The following OR52N4 variants were observed in gnomAD, a reference collection of about 807,000 sequenced individuals.
OR52N4 encodes olfactory receptor 52N4.
In OR52N4, 15 loss-of-function variants were observed where a neutral mutation model predicts 15.0. The ratio of observed to expected loss-of-function variants is 1.00; its 90% confidence interval spans 0.67 to 1.54. OR52N4 has a LOEUF of 1.54. OR52N4 is among the 40% of genes most tolerant of loss of function. The probability of loss-of-function intolerance (pLI) is 0.00; values close to 1 mark genes in which losing one functional copy is unlikely to be tolerated. For missense variants in OR52N4, 421 were observed against 394.0 expected, an observed-to-expected ratio of 1.07 and a Z score of -0.58; for synonymous variants, 143 against 143.7, an observed-to-expected ratio of 1.00 and a Z score of 0.03.
At chr11:5,746,552 C>A in the OR52N4 span, among the ~76,000 whole-genome samples, 146,645 of 152,246 alleles carry the variant, frequency 0.96, 70,771 homozygotes, top group Non-Finnish European at 0.99. Context: ...GAAACATATG[C>A]AAAAATACTG....
the OR52N4 span, chr11:5,737,104 G>A: frequency 1.2e-6 from 2 of 1,614,006 alleles, no homozygotes; most frequent in Non-Finnish European, 1.7e-6. Context: ...TCACAAGCCT[G>A]GCTTGTGATG....
the OR52N4 span, chr11:5,736,708 A>C: frequency 5.0e-6 from 8 of 1,613,862 alleles, no homozygotes; most frequent in South Asian, 6.6e-5. Context: ...ACCCTTCTTT[A>C]CAGCAGCCCA....
chr11:5,731,329 A>G, the OR52N4 span, among the ~76,000 whole-genome samples: 1 of 152,176 alleles, frequency 6.6e-6, no homozygotes, highest in Non-Finnish European at 1.5e-5. Flanking sequence ...TTCTTTAAGC[A>G]TTTTGTATGT....
In OR52N4 at chr11:5,754,863, G is replaced by A. The variant is rs185750636; in HGVS notation, c.123G>A (p.Met41Ile). Residue 41 changes from methionine (M) to isoleucine (I), a missense_variant, in exon 2 of 2, where the codon ATG (methionine) becomes ATA (isoleucine). Physicochemically the swap from Met to Ile is conservative, Grantham distance 10. Transcript: ENST00000641350. Reference sequence around the variant, plus strand: ...TCTGCTCTATGTATGTTGTGGCTATGGTAGGGAATTGTGGACTCCTCTACC... The same window carrying A: ...TCTGCTCTATGTATGTTGTGGCTATAGTAGGGAATTGTGGACTCCTCTACC... ...FPFCSMYVVA[M>I]VGNCGLLYLI... The A allele has an allele frequency of 4.1e-3, 6,692 of 1,613,796 alleles. 23 individuals are homozygous for A. The highest frequency in any genetic ancestry group is 5.1e-3 in the Non-Finnish European group (6,071 of 1,179,792).
chr11:5,750,927 A>C (rs1319990869), upstream of OR52N4, among the ~76,000 whole-genome samples: 1 of 152,070 alleles, frequency 6.6e-6, no homozygotes, highest in Non-Finnish European at 1.5e-5. Flanking sequence ...ATGTAATGTA[A>C]GTGTAACTTT....
At chr11:5,743,243 C>A in the OR52N4 span, among the ~76,000 whole-genome samples, 30 of 152,204 alleles carry the variant, frequency 2.0e-4, no homozygotes, top group East Asian at 4.6e-3. Flanking sequence ...AAAACAAATA[C>A]TATTGGACCT....
At chr11:5,746,845 A>G in the OR52N4 span, among the ~76,000 whole-genome samples, 97 of 152,128 alleles carry the variant, frequency 6.4e-4, no homozygotes, top group Non-Finnish European at 1.0e-4. Context: ...CATAAAAAAG[A>G]TATCTGCATT....
At chr11:5,737,798 C>G in the OR52N4 span, 1 of 235,652 alleles carries the variant, frequency 4.2e-6, no homozygotes, top group Non-Finnish European at 8.4e-6. Flanking sequence ...CCCACAAATA[C>G]ACACACAGAC....
At chr11:5,753,291 C>A (rs1449321391), upstream of OR52N4, among the ~76,000 whole-genome samples, 1 of 151,966 alleles carries the variant, frequency 6.6e-6, no homozygotes, top group African/African-American at 2.4e-5. Flanking sequence ...ATTTTTAGTT[C>A]TTTTCATTTT....
chr11:5,745,555 A>G, the OR52N4 span, among the ~76,000 whole-genome samples: 1 of 152,198 alleles, frequency 6.6e-6, no homozygotes, highest in Non-Finnish European at 1.5e-5. Flanking sequence ...TAGATGACGC[A>G]AATATGAAAA....
chr11:5,743,886 G>A, the OR52N4 span, among the ~76,000 whole-genome samples: 1 of 151,940 alleles, frequency 6.6e-6, no homozygotes, highest in East Asian at 1.9e-4. Flanking sequence ...AAATATCAGA[G>A]AAGAGATAAA....
chr11:5,735,011 T>G, the OR52N4 span, among the ~76,000 whole-genome samples: 1 of 152,080 alleles, frequency 6.6e-6, no homozygotes, highest in African/African-American at 2.4e-5. Flanking sequence ...ATACATTTAG[T>G]TTTTAATAAG....
the OR52N4 span, among the ~76,000 whole-genome samples, chr11:5,743,288 G>C: frequency 6.6e-6 from 1 of 151,874 alleles, no homozygotes; most frequent in Non-Finnish European, 1.5e-5. Context: ...ATAACAGGAG[G>C]GGACTACAAT....
At chr11:5,746,656 C>G in the OR52N4 span, among the ~76,000 whole-genome samples, 2 of 151,746 alleles carry the variant, frequency 1.3e-5, no homozygotes, top group African/African-American at 4.9e-5. Context: ...TGTGTATAAA[C>G]AACAGATTTT....
chr11:5,755,339 A>G lies in OR52N4; in HGVS notation c.599A>G (p.Tyr200Cys). ...GGTAATGTCAAGGTCAATGCCATCTATGGTCTGATGGTTGCCCTCCTGATT... is the reference window on the plus strand; with the variant it reads ...GGTAATGTCAAGGTCAATGCCATCTGTGGTCTGATGGTTGCCCTCCTGATT... ...SCGNVKVNAI[Y>C]GLMVALLIWG... is the part of the protein sequence containing the mutation. The change falls in exon 2 of 2, where the codon TAT (tyrosine) becomes TGT (cysteine). Residue 200 changes from tyrosine to cysteine, a missense_variant. By Grantham distance (194) the Tyr-to-Cys change is radical. Coordinates refer to ENST00000641350, the MANE Select transcript of OR52N4 (RefSeq NM_001005175.5). 2 of 1,614,022 alleles carry G rather than the reference A, an allele frequency of 1.2e-6. No homozygotes were observed. The highest frequency in any genetic ancestry group is 8.5e-7 in the Non-Finnish European group (1 of 1,179,966).
At chr11:5,748,182 C>G in the OR52N4 span, among the ~76,000 whole-genome samples, 1 of 151,738 alleles carries the variant, frequency 6.6e-6, no homozygotes, top group African/African-American at 2.4e-5. Flanking sequence ...TGCTATAATG[C>G]AACATGATGA....
Position 5,755,068 on chromosome 11 carries a change from A to G in OR52N4, c.328A>G (p.Thr110Ala), listed in dbSNP as rs755382904. The change falls in exon 2 of 2, where the codon ACA becomes GCA. Residue 110 changes from threonine (T) to alanine (A), a missense_variant. Physicochemically the swap from Thr to Ala is moderately conservative, Grantham distance 58. Coordinates refer to ENST00000641350, the MANE Select transcript of OR52N4 (RefSeq NM_001005175.5). ...LVQMFFTHTF[T>A]GMESGVLMLM... ...CCAGATGTTCTTCACCCACACCTTC[A>G]CAGGGATGGAGTCTGGGGTGCTTAT... 4.3e-6 allele frequency: 7 copies of G among 1,613,780 alleles called. No individual in the cohort carries two copies. The African/African-American group carries it at 9.4e-5, about 22-fold the overall frequency.
At chr11:5,751,762 C>T (rs1854195489), upstream of OR52N4, among the ~76,000 whole-genome samples, 1 of 152,062 alleles carries the variant, frequency 6.6e-6, no homozygotes, top group African/African-American at 2.4e-5. Flanking sequence ...GGTGATTTCA[C>T]TGAATTTTGG....
At chr11:5,729,672 G>A in the OR52N4 span, among the ~76,000 whole-genome samples, 24 of 152,082 alleles carry the variant, frequency 1.6e-4, no homozygotes, top group Non-Finnish European at 7.4e-5. Flanking sequence ...CTCAATGCTA[G>A]ATGTCTATGT....
Sources: gnomAD v4.1 joint callset for allele counts (sites outside exome capture counted in the v4.1 genomes callset) on GRCh38, gnomAD v4.1.1 for gene constraint, MANE v1.5 for transcripts, NCBI Gene and HGNC (gene_info 2026-07-23, HGNC 2026-07-21) for gene names.